MCCC1: variants seen among roughly 807,000 people sequenced by gnomAD.
MCCC1 encodes the protein methylcrotonyl-CoA carboxylase subunit 1.
A neutral mutation model predicts 83.8 loss-of-function variants in MCCC1; 64 were observed. The observed-to-expected ratio is 0.76, with a 90% CI of 0.62 to 0.94. The LOEUF (loss-of-function observed/expected upper bound fraction) is 0.94. MCCC1 is among the 40% of genes least tolerant of loss of function. The probability of loss-of-function intolerance (pLI) is 0.00; values close to 1 mark genes in which losing one functional copy is unlikely to be tolerated. For missense variants in MCCC1, 807 were observed against 904.7 expected (o/e 0.89, Z 1.39); for synonymous variants, 322 against 315.4 (o/e 1.02, Z -0.22).
intron 1 of MCCC1, 66 bp from the exon 2 acceptor site, chr3:183,094,671 G>T (rs1223209577): frequency 4.0e-6 from 6 of 1,511,990 alleles, no homozygotes; most frequent in Non-Finnish European, 4.6e-6. Flanking sequence ...TCTTTCAAAA[G>T]AATTTCAGTT....
At chr3:183,112,954 G>T (rs992987298) in intron 1 of MCCC1, among the ~76,000 whole-genome samples, 6 of 151,878 alleles carry the variant, frequency 4.0e-5, no homozygotes, top group African/African-American at 1.5e-4. Flanking sequence ...GGCCGGGCAC[G>T]GTGGCTCACG....
chr3:183,054,031 G>A (rs1715212288), intron 8 of MCCC1, among the ~76,000 whole-genome samples: 1 of 147,928 alleles, frequency 6.8e-6, no homozygotes, highest in Non-Finnish European at 1.5e-5. Flanking sequence ...ACAGGCGCCT[G>A]CCACCACATC....
At chr3:183,114,673 G>A (rs1187152092) in intron 1 of MCCC1, among the ~76,000 whole-genome samples, 1 of 152,160 alleles carries the variant, frequency 6.6e-6, no homozygotes, top group African/African-American at 2.4e-5. Context: ...AATCTTCACA[G>A]GCTCTTCCTC....
intron 7 of MCCC1, among the ~76,000 whole-genome samples, chr3:183,058,866 T>C (rs1279154975): frequency 6.6e-6 from 1 of 152,076 alleles, no homozygotes; most frequent in Non-Finnish European, 1.5e-5. Flanking sequence ...AGCAAATATG[T>C]TTTCCTGTTG....
At chr3:183,090,692 C>T (rs531180729) in intron 3 of MCCC1, among the ~76,000 whole-genome samples, 188 of 152,006 alleles carry the variant, frequency 1.2e-3, no homozygotes, top group Middle Eastern at 3.4e-3. Flanking sequence ...CGGGTTCAAG[C>T]GATTCTCCTG....
At chr3:183,088,144 C>G (rs1411105275) in intron 3 of MCCC1, among the ~76,000 whole-genome samples, 2 of 150,954 alleles carry the variant, frequency 1.3e-5, no homozygotes, top group African/African-American at 4.9e-5. Context: ...AAGCTTTGGG[C>G]TTTCTCCTAA....
chr3:183,095,870 T>G (rs1718699348), intron 1 of MCCC1, among the ~76,000 whole-genome samples: 1 of 152,028 alleles, frequency 6.6e-6, no homozygotes, highest in African/African-American at 2.4e-5. Flanking sequence ...TTTAAAAAAA[T>G]GGAGAAATGG....
chr3:183,015,556 T>C lies in MCCC1; in HGVS notation c.2060A>G (p.Lys687Arg). The C allele has an allele frequency of 1.2e-6, 2 of 1,614,152 alleles. No homozygotes were observed. Among genetic ancestry groups the C allele is most frequent in the Non-Finnish European group, 1.7e-6 (2 of 1,180,000 alleles). The change falls in exon 19 of 19, where the codon AAG becomes AGG. Residue 687 changes from lysine (K) to arginine (R), a missense_variant. Coordinates refer to ENST00000265594, the MANE Select transcript of MCCC1 (RefSeq NM_020166.5). ...CTTTACTGTGCCATCCTTTGGAGAC[T>C]TTATGGTATGCTGCAGAGACACATG... is the stretch of plus-strand genomic sequence containing the variant. Reference protein sequence around the residue: ...MIAMKMEHTIKSPKDGTVKKV... With the variant: ...MIAMKMEHTIRSPKDGTVKKV...
intron 4 of MCCC1, among the ~76,000 whole-genome samples, chr3:183,072,775 A>C (rs185839377): frequency 1.6e-3 from 251 of 152,330 alleles, no homozygotes; most frequent in Admixed American, 3.8e-3. Context: ...CATTAAGTAC[A>C]CTCACAATGT....
intron 4 of MCCC1, among the ~76,000 whole-genome samples, chr3:183,084,863 G>A (rs1354987158): frequency 6.6e-6 from 1 of 152,026 alleles, no homozygotes; most frequent in Non-Finnish European, 1.5e-5. Context: ...CTGCACTCCA[G>A]CCTGGATGAT....
At chr3:183,026,537 C>T (rs762791614) in intron 14 of MCCC1, among the ~76,000 whole-genome samples, 13 of 151,912 alleles carry the variant, frequency 8.6e-5, no homozygotes, top group African/African-American at 1.2e-4. Context: ...TGGTGAAACC[C>T]GGTCTCTACT....
intron 1 of MCCC1, among the ~76,000 whole-genome samples, chr3:183,114,880 G>C (rs1719564776): frequency 6.6e-6 from 1 of 152,132 alleles, no homozygotes; most frequent in African/African-American, 2.4e-5. Context: ...TTTGCTCCTA[G>C]GGATTCCCTG....
At chr3:183,058,715 T>C (rs573671335) in intron 7 of MCCC1, among the ~76,000 whole-genome samples, 24 of 152,250 alleles carry the variant, frequency 1.6e-4, no homozygotes, top group Non-Finnish European at 2.8e-4. Context: ...TAAGAGTGAA[T>C]GCACATAACT....
At chr3:183,054,542 T>C (rs1715270851) in intron 8 of MCCC1, among the ~76,000 whole-genome samples, 1 of 152,164 alleles carries the variant, frequency 6.6e-6, no homozygotes, top group South Asian at 2.1e-4. Context: ...AGCTAAGTAT[T>C]ATTAAAAAGA....
intron 4 of MCCC1, 141 bp from the exon 5 acceptor site, chr3:183,072,628 G>T (rs1221733622): frequency 3.5e-6 from 3 of 865,686 alleles, no homozygotes; most frequent in Non-Finnish European, 5.4e-6. Flanking sequence ...TGTTTCCAAA[G>T]AAATATCTGA....
At chr3:183,076,677 C>T (rs964754461) in intron 4 of MCCC1, among the ~76,000 whole-genome samples, 1 of 152,126 alleles carries the variant, frequency 6.6e-6, no homozygotes, top group East Asian at 1.9e-4. Context: ...ATCAGTCTTT[C>T]TGATTTTGGC....
intron 4 of MCCC1, among the ~76,000 whole-genome samples, chr3:183,078,173 C>A (rs1332822168): frequency 6.6e-6 from 1 of 152,148 alleles, no homozygotes; most frequent in Non-Finnish European, 1.5e-5. Context: ...GCACCTGTCA[C>A]CATGCCTGGC....
intron 17 of MCCC1, chr3:183,017,555 T>G (rs1476654867): frequency 1.8e-6 from 1 of 555,582 alleles, no homozygotes; most frequent in Non-Finnish European, 3.2e-6. Flanking sequence ...AGAGCAGAAG[T>G]AGAGCCCATG....
At chr3:183,091,864 C>T (rs955695226) in intron 3 of MCCC1, among the ~76,000 whole-genome samples, 3 of 152,092 alleles carry the variant, frequency 2.0e-5, no homozygotes, top group Admixed American at 1.3e-4. Context: ...CGGTGAAAAC[C>T]TGTCTCTACT....
Sources: gnomAD v4.1 joint callset for allele counts (sites outside exome capture counted in the v4.1 genomes callset) on GRCh38, gnomAD v4.1.1 for gene constraint, MANE v1.5 for transcripts, NCBI Gene and HGNC (gene_info 2026-07-23, HGNC 2026-07-21) for gene names.